Variants in PCDH15 observed in about 807,000 individuals in gnomAD.
The protein encoded by PCDH15 is protocadherin-15.
Under a neutral mutation model 178.5 loss-of-function variants are expected in PCDH15, and 129 were observed. The observed-to-expected ratio is 0.72, with a 90% CI of 0.63 to 0.84. The LOEUF is 0.84. Ranked by LOEUF, PCDH15 falls within the 40% of genes least tolerant of loss-of-function variation. The pLI, the probability that PCDH15 is intolerant of heterozygous loss-of-function variation, is 0.00. For synonymous variants in PCDH15, 800 were observed against 732.0 expected, an observed-to-expected ratio of 1.09 and a Z score of -1.50; for missense variants, 2,230 against 2,099.9, an observed-to-expected ratio of 1.06 and a Z score of -1.21.
At chr10:54,799,691 C>T (rs1952441177) in intron 1 of PCDH15, among the ~76,000 whole-genome samples, 1 of 151,914 alleles carries the variant, frequency 6.6e-6, no homozygotes, top group Non-Finnish European at 1.5e-5. Context: ...AATTGGGCAC[C>T]CATTAAATGG....
chr10:54,607,779 T>C (rs2092806571), intron 2 of PCDH15: 1 of 481,448 alleles, frequency 2.1e-6, no homozygotes, highest in African/African-American at 2.1e-5. Flanking sequence ...TTTTACTGTC[T>C]ACTACAAAGA....
At chr10:55,544,341 T>C (rs1841833496) in intron 2 of PCDH15, among the ~76,000 whole-genome samples, 2 of 151,496 alleles carry the variant, frequency 1.3e-5, no homozygotes, top group Admixed American at 1.3e-4. Context: ...ACACAACTGT[T>C]AAACCTTTTA....
intron 11 of PCDH15, 52 bp downstream of exon 11, chr10:54,195,631 G>T: frequency 6.9e-7 from 1 of 1,447,848 alleles, no homozygotes; most frequent in Non-Finnish European, 9.7e-7. Flanking sequence ...TCCCATTAAT[G>T]GAAATATGAG....
chr10:55,367,892 T>C (rs1845407157), intron 2 of PCDH15, among the ~76,000 whole-genome samples: 1 of 152,138 alleles, frequency 6.6e-6, no homozygotes, highest in Non-Finnish European at 1.5e-5. Flanking sequence ...TAAATTAATT[T>C]TTTAACACTG....
chr10:55,469,679 C>T (rs1392147105), intron 2 of PCDH15, among the ~76,000 whole-genome samples: 1 of 151,970 alleles, frequency 6.6e-6, no homozygotes, highest in African/African-American at 2.4e-5. Context: ...TTCAAGATTT[C>T]CACTTCTACT....
chr10:55,439,818 TA>T (rs536708946), intron 2 of PCDH15, among the ~76,000 whole-genome samples: 3 of 152,036 alleles, frequency 2.0e-5, no homozygotes, highest in Non-Finnish European at 4.4e-5. Context: ...AAGGCTACTA[TA>T]AAAAGTTTTA....
rs1319607609 is a variant in PCDH15 at position 53,802,852 on chromosome 10, T to C, written c.*3727A>G. On this transcript the variant is annotated 3_prime_UTR_variant, in exon 38 of 38. Coordinates refer to ENST00000644397, the MANE Select transcript of PCDH15 (RefSeq NM_001384140.1). ...ACTTAAAACTTCTAATTCAGATTCT[T>C]ATACAGTAACATAATATTTGTTAAG... The C allele has an allele frequency of 6.6e-6, 1 of 151,958 alleles. No individual in the cohort carries two copies. Among genetic ancestry groups the C allele is most frequent in the Non-Finnish European group, 1.5e-5 (1 of 67,862 alleles). The allele number at this position is 151,958 out of a possible 1,614,324, so 9.4% of individuals were successfully genotyped here.
Position 54,641,036 on chromosome 10 carries a change from G to A in PCDH15, c.91+23136C>T, listed in dbSNP as rs181396879. On this transcript the variant is annotated intron_variant, in intron 2 of 37. Transcript: ENST00000644397. ...GGAGAATAACTTGAACCCAGGAGGC[G>A]GAGGTTGTGGTAAGCCGAGATGGTG... 4.4e-3 allele frequency: 1,023 copies of A among 231,794 alleles called. 16 individuals carry two copies. The highest frequency in any genetic ancestry group is 0.023 in the African/African-American group (955 of 42,360). The allele number at this position is 231,794 out of a possible 1,614,324, so 14.4% of individuals were successfully genotyped here. A position where few individuals can be genotyped will look rare whatever the true frequency, so the allele number is the denominator to read the frequency against.
chr10:54,096,929 C>T (rs2094710585), intron 15 of PCDH15, among the ~76,000 whole-genome samples: 1 of 152,202 alleles, frequency 6.6e-6, no homozygotes, highest in Non-Finnish European at 1.5e-5. Flanking sequence ...ATCAATGTTT[C>T]CAGTTACTCA....
chr10:54,305,446 T>C (rs1190456692), intron 8 of PCDH15, among the ~76,000 whole-genome samples: 1 of 152,026 alleles, frequency 6.6e-6, no homozygotes, highest in Non-Finnish European at 1.5e-5. Flanking sequence ...TATGCAGCTA[T>C]TATAAAAAGT....
intron 18 of PCDH15, among the ~76,000 whole-genome samples, chr10:54,028,613 A>G (rs1400904936): frequency 6.7e-6 from 1 of 148,844 alleles, no homozygotes; most frequent in East Asian, 2.0e-4. Flanking sequence ...CAGCCATAAA[A>G]AATGATGAGT....
At chr10:54,700,453 A>G (rs2095294314) in intron 1 of PCDH15, among the ~76,000 whole-genome samples, 1 of 152,110 alleles carries the variant, frequency 6.6e-6, no homozygotes, top group Admixed American at 6.6e-5. Context: ...ACCCAATCCA[A>G]GGAGTCTAAG....
intron 2 of PCDH15, among the ~76,000 whole-genome samples, chr10:55,497,271 A>C (rs1840554963): frequency 1.3e-5 from 2 of 151,496 alleles, no homozygotes; most frequent in South Asian, 4.2e-4. Context: ...CTAGGACTAC[A>C]GGTGCACACC....
intron 28 of PCDH15, among the ~76,000 whole-genome samples, chr10:53,847,388 G>A (rs2078043058): frequency 6.6e-6 from 1 of 151,982 alleles, no homozygotes; most frequent in African/African-American, 2.4e-5. Flanking sequence ...ATTGCAGCTG[G>A]CTGGAGGGAT....
intron 3 of PCDH15, among the ~76,000 whole-genome samples, chr10:54,442,626 G>T (rs1347182021): frequency 6.7e-6 from 1 of 149,494 alleles, no homozygotes; most frequent in East Asian, 2.0e-4. Context: ...TGTGCAGATT[G>T]TTTCATTTTA....
chr10:55,321,837 A>C (rs1482783524), upstream of PCDH15, among the ~76,000 whole-genome samples: 1 of 152,222 alleles, frequency 6.6e-6, no homozygotes, highest in Non-Finnish European at 1.5e-5. Flanking sequence ...GACCTACCTT[A>C]CACAAGGATT....
chr10:55,097,261 C>A (rs757028674), intron 2 of PCDH15, among the ~76,000 whole-genome samples: 6 of 152,080 alleles, frequency 3.9e-5, no homozygotes, highest in African/African-American at 4.8e-5. Context: ...ACATTACATG[C>A]AACTTAATTC....
At chr10:54,981,725 A>G (rs1232823014) in intron 2 of PCDH15, among the ~76,000 whole-genome samples, 2 of 152,092 alleles carry the variant, frequency 1.3e-5, no homozygotes, top group African/African-American at 4.8e-5. Flanking sequence ...GCCAAGCTTC[A>G]GAGTTTGTTT....
At chr10:53,868,932 T>G (rs942738239) in intron 26 of PCDH15, among the ~76,000 whole-genome samples, 6 of 152,146 alleles carry the variant, frequency 3.9e-5, no homozygotes. Flanking sequence ...TAGCCTCACA[T>G]GTCAGCCTCT....
Sources: gnomAD v4.1 joint callset for allele counts (sites outside exome capture counted in the v4.1 genomes callset) on GRCh38, gnomAD v4.1.1 for gene constraint, MANE v1.5 for transcripts, NCBI Gene and HGNC (gene_info 2026-07-23, HGNC 2026-07-21) for gene names.